The following VPS9D1 variants were observed in gnomAD, a reference collection of about 807,000 sequenced individuals.
VPS9D1 encodes VPS9 domain-containing protein 1.
In VPS9D1, 78 loss-of-function variants were observed where a neutral mutation model predicts 75.8. The observed-to-expected ratio is 1.03, with a 90% confidence interval of 0.86 to 1.24. The LOEUF (loss-of-function observed/expected upper bound fraction) is 1.24. Ranked by LOEUF, VPS9D1 falls within the 50% of genes most tolerant of loss-of-function variation. The pLI is 0.00. For synonymous variants in VPS9D1, 481 were observed against 385.6 expected (o/e 1.25, Z -2.90); for missense variants, 1,057 against 847.7 (o/e 1.25, Z -3.07).
chr16:89,720,284 AG>A lies in VPS9D1; in HGVS notation c.99+478del, dbSNP rs1038434803. 3 of 541,166 alleles carry A rather than the reference AG, an allele frequency of 5.5e-6. No individual in the cohort carries two copies. The African/African-American group carries it at 6.2e-5, about 11-fold the overall frequency. The allele number at this position is 541,166 out of a possible 1,614,324, so 33.5% of individuals were successfully genotyped here. A position where few individuals can be genotyped will look rare whatever the true frequency, so the allele number is the denominator to read the frequency against. On this transcript the variant is annotated intron_variant, in intron 1 of 14. Coordinates refer to ENST00000389386, the MANE Select transcript of VPS9D1 (RefSeq NM_004913.3). ...CCAACCTTAGATTCGGCCCCATCTCAGGAACGGGCCACACCCCTCCGGCCTG... is the reference window on the plus strand; with the variant it reads ...CCAACCTTAGATTCGGCCCCATCTCAGAACGGGCCACACCCCTCCGGCCTG...
At chr16:89,712,989 A>T (rs151273937) in intron 4 of VPS9D1, 1 of 273,274 alleles carries the variant, frequency 3.7e-6, no homozygotes, top group African/African-American at 2.2e-5. Context: ...GTTCGAGACC[A>T]GCCTGGCCAA....
At chr16:89,715,325 C>T (rs144751635) in intron 4 of VPS9D1, among the ~76,000 whole-genome samples, 2 of 149,712 alleles carry the variant, frequency 1.3e-5, no homozygotes, top group African/African-American at 2.5e-5. Context: ...CTCCTGGGTT[C>T]AAGGGATTCT....
Position 89,711,351 on chromosome 16 carries a change from G to C in VPS9D1, c.809C>G (p.Thr270Ser). The C allele has an allele frequency of 6.2e-7, 1 of 1,611,038 alleles. No homozygotes were observed. Among genetic ancestry groups the C allele is most frequent in the Non-Finnish European group, 8.5e-7 (1 of 1,178,796 alleles). Residue 270 changes from threonine to serine, a missense_variant, in exon 9 of 15, where the codon ACC (threonine) becomes AGC (serine). Thr to Ser is a moderately conservative substitution (Grantham distance 58). Coordinates refer to ENST00000389386, the MANE Select transcript of VPS9D1 (RefSeq NM_004913.3). The stretch of plus-strand genomic sequence containing the variant: ...CCTGAGCAGGTGTGAGACCAGGCTG[G>C]TCACGAGTGACAGGTCCCCCGGATT... ...KRNPGDLSLV[T>S]SLVSHLLSLP... is the part of the protein sequence containing the mutation.
rs749822831 is a variant in VPS9D1 at position 89,709,377 on chromosome 16, C to G, written c.1447G>C (p.Ala483Pro). Residue 483 changes from alanine to proline, a missense_variant, in exon 12 of 15, where the codon GCA (alanine) becomes CCA (proline). Physicochemically the swap from Ala to Pro is conservative, Grantham distance 27 (BLOSUM62 -1). Transcript: ENST00000389386. ...GGGATGCCAATGGCGGTGGGGGGTG[C>G]ATTCCTGTAGAGCTCCATGCTCCTG... is the stretch of plus-strand genomic sequence containing the variant. Reference protein sequence around the residue: ...LSRSMELYRNAPPTAIGIPTK... With the variant: ...LSRSMELYRNPPPTAIGIPTK... 1.3e-6 allele frequency: 2 copies of G among 1,565,498 alleles called. No homozygotes were observed. The highest frequency in any genetic ancestry group is 1.7e-6 in the Non-Finnish European group (2 of 1,160,406).
rs752690134 is a variant in VPS9D1, at chr16:89,712,595, C to A, written c.543+10G>T. The A allele has an allele frequency of 1.2e-6, 2 of 1,609,362 alleles. No homozygotes were observed. The highest frequency in any genetic ancestry group is 2.2e-5 in the South Asian group (2 of 90,988). ...CACGCACCCCCAGGCCCTCCCTAGC[C>A]CCCACTCACCAGGGATGTCTTCTGC... is the stretch of plus-strand genomic sequence containing the variant. On this transcript the variant is annotated intron_variant, in intron 5 of 14. Transcript: ENST00000389386.
chr16:89,712,169 C>T (rs1353191416), intron 6 of VPS9D1, 70 bp from the exon 7 acceptor site: 1 of 1,541,908 alleles, frequency 6.5e-7, no homozygotes, highest in Non-Finnish European at 8.8e-7. Flanking sequence ...CGTCCCACAC[C>T]CGGAGAGGCC....
Position 89,716,770 on chromosome 16 carries a change from C to T in VPS9D1, c.228G>A (p.Gln76=). The stretch of plus-strand genomic sequence containing the variant: ...TCGACTGGGCCCTCTCCAGACACTG[C>T]TGTGCTAGCTTCAGCATCTTGGAGG... ...PDTSKMLKLA[Q]QCLERAQSTA... is the part of the protein sequence containing the mutation. Residue 76 remains glutamine, a synonymous_variant, in exon 3 of 15, where the codon CAG becomes CAA. Transcript: ENST00000389386. 1.9e-6 allele frequency: 3 copies of T among 1,594,330 alleles called. No homozygotes were observed. The highest frequency in any genetic ancestry group is 2.6e-6 in the Non-Finnish European group (3 of 1,173,872).
At chr16:89,712,204 G>A in intron 6 of VPS9D1, 105 bp from the exon 7 acceptor site, 1 of 1,488,482 alleles carries the variant, frequency 6.7e-7, no homozygotes, top group East Asian at 2.5e-5. Flanking sequence ...ACCTCCTCTC[G>A]GTGAGGGGCT....
intron 4 of VPS9D1, among the ~76,000 whole-genome samples, chr16:89,714,837 C>T (rs529849254): frequency 5.9e-5 from 9 of 151,758 alleles, no homozygotes; most frequent in South Asian, 2.1e-4. Flanking sequence ...TGGGTTCAAG[C>T]GATTCTCCTG....
intron 14 of VPS9D1, 139 bp from the exon 15 acceptor site, chr16:89,708,093 G>T: frequency 5.1e-6 from 4 of 785,958 alleles, no homozygotes; most frequent in Non-Finnish European, 6.4e-6. Flanking sequence ...GGGCGGCTGG[G>T]CTAGAGGAGG....
At position 89,710,887 on chromosome 16, in the gene VPS9D1, G is replaced by A. The variant is rs924591254; in HGVS notation, c.957C>T (p.Asn319=). The change falls in exon 10 of 15, where the codon AAC becomes AAT. Residue 319 remains asparagine, a synonymous_variant. Transcript: ENST00000389386. ...PAPGCCPPTP[N]PGSRRLRPSQ... ...AGGGCCGCAGCCGTCGGCTTCCGGG[G>A]TTGGGGGTCGGGGGGCAGCAGCCTG... The A allele has an allele frequency of 1.3e-5, 20 of 1,498,400 alleles. No homozygotes were observed. Among genetic ancestry groups the A allele is most frequent in the Non-Finnish European group, 1.6e-5 (18 of 1,127,912 alleles). The allele number at this position is 1,498,400 out of a possible 1,614,324, so 92.8% of individuals were successfully genotyped here. A position where few individuals can be genotyped will look rare whatever the true frequency, so the allele number is the denominator to read the frequency against.
chr16:89,717,824 CT>C (rs2061113678), intron 2 of VPS9D1: 1 of 456,564 alleles, frequency 2.2e-6, no homozygotes, highest in African/African-American at 2.0e-5. Context: ...CAACTGTTAG[CT>C]CCCCCTGACC....
chr16:89,715,225 ATTTT>A (rs56372825), intron 4 of VPS9D1, among the ~76,000 whole-genome samples: 348 of 113,664 alleles, frequency 3.1e-3, no homozygotes, highest in African/African-American at 0.01. Flanking sequence ...TCCCAGCTAA[ATTTT>A]TTTTTTTTTT....
intron 6 of VPS9D1, 43 bp downstream of exon 6, chr16:89,712,415 ACT>A (rs1377131920): frequency 1.2e-6 from 2 of 1,609,358 alleles, no homozygotes; most frequent in East Asian, 4.5e-5. Context: ...TCAAGGCCAC[ACT>A]GAGTTTCCCC....
intron 1 of VPS9D1, 187 bp from the exon 2 acceptor site, chr16:89,719,289 G>A (rs2061175573): frequency 1.5e-6 from 1 of 660,178 alleles, no homozygotes; most frequent in African/African-American, 1.8e-5. Flanking sequence ...GCAGGGCACA[G>A]GCAGCATCGC....
At chr16:89,719,146 G>T in intron 1 of VPS9D1, 44 bp from the exon 2 acceptor site, 1 of 1,572,988 alleles carries the variant, frequency 6.4e-7, no homozygotes, top group Non-Finnish European at 8.7e-7. Flanking sequence ...CCAGTGGAGG[G>T]AAGTGACTCC....
chr16:89,707,992 G>A (rs751438826), intron 14 of VPS9D1, 38 bp from the exon 15 acceptor site: 35 of 1,588,826 alleles, frequency 2.2e-5, no homozygotes, highest in South Asian at 1.2e-4. Flanking sequence ...TCATCTGAAC[G>A]AACAGAAGGA....
intron 2 of VPS9D1, among the ~76,000 whole-genome samples, chr16:89,718,501 C>T (rs907676552): frequency 2.2e-4 from 34 of 152,168 alleles, no homozygotes; most frequent in African/African-American, 6.5e-4. Flanking sequence ...CAGTGTCTTG[C>T]CACACCCCAG....
At chr16:89,711,280 C>A in intron 9 of VPS9D1, 47 bp downstream of exon 9, 1 of 1,559,574 alleles carries the variant, frequency 6.4e-7, no homozygotes, top group Non-Finnish European at 8.7e-7. Context: ...GCAGAGGTGC[C>A]CAAGGCCGGT....
Sources: gnomAD v4.1 joint callset for allele counts (sites outside exome capture counted in the v4.1 genomes callset) on GRCh38, gnomAD v4.1.1 for gene constraint, MANE v1.5 for transcripts, NCBI Gene and HGNC (gene_info 2026-07-23, HGNC 2026-07-21) for gene names.